Variants in NKAIN1 observed in about 807,000 individuals in gnomAD.
NKAIN1 encodes the protein sodium/potassium-transporting ATPase subunit beta-1-interacting protein 1.
A neutral mutation model predicts 31.6 loss-of-function variants in NKAIN1; 13 were observed. The observed-to-expected ratio is 0.41, with a 90% CI of 0.27 to 0.65. NKAIN1 has a LOEUF of 0.65. NKAIN1 is among the 30% of genes least tolerant of loss of function. The pLI is 0.30. For missense variants in NKAIN1, 193 were observed against 262.2 expected (o/e 0.74, Z 1.82); for synonymous variants, 104 against 109.0 (o/e 0.95, Z 0.28).
chr1:31,212,651 T>C (rs6664644), intron 1 of NKAIN1, among the ~76,000 whole-genome samples: 114,002 of 151,748 alleles, frequency 0.75, 43,380 homozygotes, highest in Middle Eastern at 0.9. Flanking sequence ...GCAATCTGCC[T>C]GCCTTGGCCT....
chr1:31,183,916 G>A lies in NKAIN1; in HGVS notation c.372C>T (p.Arg124=). 6.2e-7 allele frequency: 1 copy of A among 1,614,148 alleles called. No homozygotes were observed. The highest frequency in any genetic ancestry group is 8.5e-7 in the Non-Finnish European group (1 of 1,180,042). ...GCLVTPVLNS[R]LALEDHHVIS... Reference sequence around the variant, plus strand: ...TGACATGGTGGTCCTCCAGAGCCAGGCGGGAGTTCAGAACAGGTGTCACCA... The same window carrying A: ...TGACATGGTGGTCCTCCAGAGCCAGACGGGAGTTCAGAACAGGTGTCACCA... Residue 124 remains arginine (R), a synonymous_variant, in exon 4 of 7, where the codon CGC becomes CGT. Coordinates refer to ENST00000373736, the MANE Select transcript of NKAIN1 (RefSeq NM_024522.3).
chr1:31,188,306 G>T, intron 1 of NKAIN1, 119 bp from the exon 2 acceptor site: 5 of 1,069,186 alleles, frequency 4.7e-6, no homozygotes, highest in Non-Finnish European at 6.7e-6. Context: ...ATAAGCCTCA[G>T]AACAATCCAG....
chr1:31,220,642 C>T (rs1645557183), intron 1 of NKAIN1, among the ~76,000 whole-genome samples: 1 of 150,772 alleles, frequency 6.6e-6, no homozygotes, highest in Non-Finnish European at 1.5e-5. Context: ...ATAATCCCAG[C>T]TGCTTGGGAG....
rs1177043760 is a variant in NKAIN1 at position 31,233,889 on chromosome 1, G to A, written c.54+5605C>T. 6.6e-6 allele frequency among the ~76,000 whole-genome samples: 1 copy of A among 152,236 alleles called. No individual in the cohort carries two copies. The highest frequency in any genetic ancestry group is 1.5e-5 in the Non-Finnish European group (1 of 68,048). On this transcript the variant is annotated intron_variant, in intron 1 of 6. Coordinates refer to ENST00000373736, the MANE Select transcript of NKAIN1 (RefSeq NM_024522.3). The surrounding 1 kb of genome is among the most constrained non-coding windows in gnomAD (Gnocchi z 4.0). ...AAGTAAGAAGGCAGAGGCTCAGAGA[G>A]GGTGCAGGACTTCCTGGGAGTCACA... is the stretch of plus-strand genomic sequence containing the variant.
chr1:31,212,264 G>C (rs1645475443), intron 1 of NKAIN1, among the ~76,000 whole-genome samples: 1 of 151,996 alleles, frequency 6.6e-6, no homozygotes, highest in African/African-American at 2.4e-5. Flanking sequence ...AAAGAATAAA[G>C]GTGCACTCCT....
intron 1 of NKAIN1, among the ~76,000 whole-genome samples, chr1:31,199,583 G>C (rs761983614): frequency 3.9e-5 from 6 of 152,142 alleles, no homozygotes; most frequent in Admixed American, 1.3e-4. Flanking sequence ...TGAGCAAACT[G>C]ACAGCAGAGG....
intron 1 of NKAIN1, among the ~76,000 whole-genome samples, chr1:31,206,804 G>C (rs926019998): frequency 2.0e-5 from 3 of 152,260 alleles, no homozygotes; most frequent in Admixed American, 1.3e-4. Flanking sequence ...CATGATCATG[G>C]CTCACTGCAG....
At chr1:31,188,986 C>T (rs1013639163) in intron 1 of NKAIN1, among the ~76,000 whole-genome samples, 2 of 150,962 alleles carry the variant, frequency 1.3e-5, no homozygotes, top group African/African-American at 4.9e-5. Flanking sequence ...GCACTCCAGC[C>T]TGGGCGACAG....
intron 1 of NKAIN1, among the ~76,000 whole-genome samples, chr1:31,195,124 CTT>C (rs112786243): frequency 1.4e-4 from 18 of 125,404 alleles, no homozygotes; most frequent in Admixed American, 1.6e-4. Context: ...TTCCTTCCTC[CTT>C]TTTTTTTTTT....
rs998947325 is a variant in NKAIN1 at position 31,180,340 on chromosome 1, C to G, written c.*1363G>C. Reference sequence around the variant, plus strand: ...CTCTCTATGGACGCACCAGGCAGTGCGTGGGATGCAGCGTCCTCAGGAGTG... The same window carrying G: ...CTCTCTATGGACGCACCAGGCAGTGGGTGGGATGCAGCGTCCTCAGGAGTG... On this transcript the variant is annotated 3_prime_UTR_variant, in exon 7 of 7. Transcript: ENST00000373736. 1 of 152,194 alleles carries G rather than the reference C, an allele frequency of 6.6e-6. No homozygotes were observed. The highest frequency in any genetic ancestry group is 2.1e-4 in the South Asian group (1 of 4,822). 9.4% of individuals were successfully genotyped at this position (152,194 alleles called of 1,614,324 possible). A position where few individuals can be genotyped will look rare whatever the true frequency, so the allele number is the denominator to read the frequency against.
chr1:31,214,675 G>A (rs1176749164), intron 1 of NKAIN1, among the ~76,000 whole-genome samples: 1 of 152,206 alleles, frequency 6.6e-6, no homozygotes, highest in Non-Finnish European at 1.5e-5. Flanking sequence ...AGTGGTCAAG[G>A]AAGACTTCTG....
chr1:31,208,633 GGGA>G lies in NKAIN1; in HGVS notation c.55-20449_55-20447del, dbSNP rs1054930117. On this transcript the variant is annotated intron_variant, in intron 1 of 6. Transcript: ENST00000373736. The stretch of plus-strand genomic sequence containing the variant: ...GTCTATGTGGCCCCCACATAGTGGG[GGGA>G]GGGGGCCCTGGAAACCTCTGATGTA... Among the ~76,000 whole-genome samples, 80 of 79,246 alleles carry G rather than the reference GGGA, an allele frequency of 1.0e-3. 1 individual carries two copies. The East Asian group carries it at 0.016, about 15-fold the overall frequency. 52.0% of individuals were successfully genotyped at this position (79,246 alleles called of 152,430 possible). A position where few individuals can be genotyped will look rare whatever the true frequency, so the allele number is the denominator to read the frequency against.
At chr1:31,219,063 C>T (rs750137885) in intron 1 of NKAIN1, among the ~76,000 whole-genome samples, 3 of 152,238 alleles carry the variant, frequency 2.0e-5, no homozygotes, top group African/African-American at 7.2e-5. Flanking sequence ...GGCAGGAGCA[C>T]CAATGCGGGT....
intron 3 of NKAIN1, 73 bp from the exon 4 acceptor site, chr1:31,184,087 G>C: frequency 7.4e-7 from 1 of 1,358,446 alleles, no homozygotes; most frequent in Non-Finnish European, 1.0e-6. Context: ...AGCCCAGGAA[G>C]ACTATATTGA....
At chr1:31,183,770 G>T (rs1645221297) in intron 4 of NKAIN1, 47 bp downstream of exon 4, 2 of 1,561,088 alleles carry the variant, frequency 1.3e-6, no homozygotes, top group Non-Finnish European at 1.7e-6. Context: ...CAGAGCTAAA[G>T]AAAGGGATCG....
At chr1:31,228,267 C>T (rs1052348326) in intron 1 of NKAIN1, among the ~76,000 whole-genome samples, 1 of 152,148 alleles carries the variant, frequency 6.6e-6, no homozygotes, top group Admixed American at 6.5e-5. Context: ...AAAAAACAGG[C>T]TTAGGAACCA....
intron 1 of NKAIN1, among the ~76,000 whole-genome samples, chr1:31,227,266 G>C (rs1449262267): frequency 6.6e-6 from 1 of 152,230 alleles, no homozygotes; most frequent in Non-Finnish European, 1.5e-5. Context: ...CTGAGCCTCA[G>C]AGTCCTCATC....
intron 1 of NKAIN1, among the ~76,000 whole-genome samples, chr1:31,232,396 C>CACATATATATATATATATAT (rs1334094237): frequency 1.6e-4 from 1 of 6,374 alleles, no homozygotes; most frequent in African/African-American, 2.5e-4. Context: ...TGGCCTACTT[C>CACATATATATATATATATAT]ATATATATAT....
intron 3 of NKAIN1, chr1:31,185,035 G>A: frequency 1.1e-5 from 6 of 551,644 alleles, no homozygotes; most frequent in Middle Eastern, 3.9e-4. Flanking sequence ...CACATGGACT[G>A]CTCTTCAGCC....
Sources: gnomAD v4.1 joint callset for allele counts (sites outside exome capture counted in the v4.1 genomes callset) on GRCh38, gnomAD v4.1.1 for gene constraint, Gnocchi (gnomAD v3.1) non-coding constraint, MANE v1.5 for transcripts, NCBI Gene and HGNC (gene_info 2026-07-23, HGNC 2026-07-21) for gene names.